EIF4G3: variants seen among roughly 807,000 people sequenced by gnomAD.
The protein encoded by EIF4G3 is eukaryotic translation initiation factor 4 gamma 3.
EIF4G3 carries 34 observed loss-of-function variants against 186.4 expected under a neutral mutation model. That is an observed-to-expected ratio of 0.18 (90% CI 0.14 to 0.24). The LOEUF (loss-of-function observed/expected upper bound fraction) is 0.24, where lower values mean the gene tolerates loss of function less well. Among genes scored for constraint, EIF4G3 ranks in the 10% least tolerant of loss-of-function variants. The pLI, the probability that EIF4G3 is intolerant of heterozygous loss-of-function variation, is 1.00. For missense variants in EIF4G3, 1,536 were observed against 1,948.5 expected (o/e 0.79, Z 3.99); for synonymous variants, 673 against 679.5 (o/e 0.99, Z 0.15).
Position 21,176,722 on chromosome 1 carries a change from C to CT in EIF4G3, c.-457dup. The CT allele has an allele frequency of 1.5e-6, 1 of 677,248 alleles. No individual in the cohort carries two copies. Among genetic ancestry groups the CT allele is most frequent in the South Asian group, 1.5e-5 (1 of 66,762 alleles). The allele number at this position is 677,248 out of a possible 1,614,324, so 42.0% of individuals were successfully genotyped here. ...GGGGCAGGAGGCGGAGAGACCGGAC[C>CT]TTTCACGGCAATATCCTCATGGGCC... On this transcript the variant is annotated splice_region_variant and 5_prime_UTR_variant, in exon 1 of 37. Transcript: ENST00000602326.
At chr1:20,923,427 C>A (rs2094624595) in intron 14 of EIF4G3, among the ~76,000 whole-genome samples, 1 of 152,112 alleles carries the variant, frequency 6.6e-6, no homozygotes, top group Non-Finnish European at 1.5e-5. Flanking sequence ...TTTAATAAGA[C>A]ACTTTTGAAC....
At chr1:21,003,869 G>T (rs2084282046) in intron 4 of EIF4G3, 1 of 289,640 alleles carries the variant, frequency 3.5e-6, no homozygotes, top group South Asian at 3.2e-5. Flanking sequence ...AGACTCTGGT[G>T]GTTACCTCTC....
intron 10 of EIF4G3, among the ~76,000 whole-genome samples, chr1:20,976,854 C>T (rs1022931111): frequency 6.6e-6 from 1 of 152,092 alleles, no homozygotes; most frequent in South Asian, 2.1e-4. Context: ...CCTTGGTACA[C>T]GGTGAAACAC....
At chr1:21,128,338 G>A (rs561767902) in intron 2 of EIF4G3, among the ~76,000 whole-genome samples, 10 of 151,370 alleles carry the variant, frequency 6.6e-5, no homozygotes, top group East Asian at 1.9e-4. Flanking sequence ...GTGAAACCCC[G>A]TCTCTAAAAA....
intron 4 of EIF4G3, among the ~76,000 whole-genome samples, chr1:21,024,560 C>G (rs10916922): frequency 0.42 from 59,805 of 142,528 alleles, 13,133 homozygotes; most frequent in Non-Finnish European, 0.46. Flanking sequence ...AAATTCTTCT[C>G]CCTTGGGATC....
intron 12 of EIF4G3, among the ~76,000 whole-genome samples, chr1:20,956,040 A>C (rs2096406215): frequency 6.6e-6 from 1 of 152,228 alleles, no homozygotes; most frequent in Non-Finnish European, 1.5e-5. Flanking sequence ...GCAATAAAAA[A>C]CAATAAATAA....
chr1:20,969,424 A>G (rs762287209), intron 12 of EIF4G3, 50 bp downstream of exon 12: 1 of 1,607,392 alleles, frequency 6.2e-7, no homozygotes, highest in Admixed American at 1.7e-5. Flanking sequence ...AGAGTTCAGT[A>G]GAGGTTAGTG....
At chr1:20,921,796 C>T in intron 14 of EIF4G3, among the ~76,000 whole-genome samples, 1 of 152,204 alleles carries the variant, frequency 6.6e-6, no homozygotes, top group Admixed American at 6.5e-5. Flanking sequence ...CGTGCACCTG[C>T]TTCTGCTTTT....
chr1:21,149,489 T>C (rs1029479991), intron 2 of EIF4G3, among the ~76,000 whole-genome samples: 5 of 152,170 alleles, frequency 3.3e-5, no homozygotes, highest in African/African-American at 1.2e-4. Context: ...TATCCAGATA[T>C]ACGGTATTTT....
intron 4 of EIF4G3, among the ~76,000 whole-genome samples, chr1:21,041,466 G>A (rs562022772): frequency 6.6e-6 from 1 of 152,286 alleles, no homozygotes; most frequent in African/African-American, 2.4e-5. Flanking sequence ...AAATAGTTTA[G>A]TGTAATTTAT....
At chr1:21,115,637 G>A (rs1162407622) in intron 2 of EIF4G3, among the ~76,000 whole-genome samples, 2 of 152,190 alleles carry the variant, frequency 1.3e-5, no homozygotes, top group African/African-American at 4.8e-5. Flanking sequence ...GAAAAAAAAT[G>A]TGTACTACTT....
chr1:20,897,159 C>T (rs979167730), intron 16 of EIF4G3, among the ~76,000 whole-genome samples: 3 of 152,010 alleles, frequency 2.0e-5, no homozygotes, highest in Admixed American at 6.6e-5. Context: ...GATTTTAAAC[C>T]ATCACTTGTT....
At chr1:21,029,454 A>C (rs1187864236) in intron 4 of EIF4G3, among the ~76,000 whole-genome samples, 1 of 151,554 alleles carries the variant, frequency 6.6e-6, no homozygotes, top group African/African-American at 2.4e-5. Flanking sequence ...GGGAAGAAAG[A>C]GAAATTGAGT....
At chr1:21,007,980 T>G (rs1335722460) in intron 4 of EIF4G3, among the ~76,000 whole-genome samples, 1 of 152,230 alleles carries the variant, frequency 6.6e-6, no homozygotes, top group Admixed American at 6.5e-5. Context: ...CAGCTTCTCC[T>G]GCATGAAATA....
intron 15 of EIF4G3, 23 bp from the exon 16 acceptor site, chr1:20,899,966 G>C: frequency 6.3e-7 from 1 of 1,589,950 alleles, no homozygotes; most frequent in Admixed American, 1.8e-5. Context: ...TGAACAAAGA[G>C]GTTACATTTT....
chr1:21,121,603 C>T (rs527598684), intron 2 of EIF4G3, among the ~76,000 whole-genome samples: 27 of 152,036 alleles, frequency 1.8e-4, no homozygotes, highest in African/African-American at 6.3e-4. Context: ...GCTGAAACCC[C>T]GTCTCTACTA....
At chr1:20,933,764 T>C (rs1342995968) in intron 14 of EIF4G3, among the ~76,000 whole-genome samples, 1 of 152,170 alleles carries the variant, frequency 6.6e-6, no homozygotes, top group Non-Finnish European at 1.5e-5. Context: ...GGTTTTAGTT[T>C]AATTAAAGCC....
At chr1:20,858,569 AATTT>A (rs2075608994) in intron 24 of EIF4G3, among the ~76,000 whole-genome samples, 1 of 152,160 alleles carries the variant, frequency 6.6e-6, no homozygotes, top group Middle Eastern at 3.2e-3. Context: ...TTTTTCTACA[AATTT>A]ATTTGACAAA....
intron 20 of EIF4G3, among the ~76,000 whole-genome samples, chr1:20,868,080 T>C (rs917743681): frequency 1.1e-4 from 14 of 130,192 alleles, no homozygotes; most frequent in African/African-American, 3.4e-4. Context: ...TAGTGATTCA[T>C]GGTGATTTTC....
Sources: gnomAD v4.1 joint callset for allele counts (sites outside exome capture counted in the v4.1 genomes callset) on GRCh38, gnomAD v4.1.1 for gene constraint, MANE v1.5 for transcripts, NCBI Gene and HGNC (gene_info 2026-07-23, HGNC 2026-07-21) for gene names.